Variants in NANOS3 observed in about 807,000 individuals in gnomAD.
The protein encoded by NANOS3 is nanos homolog 3.
A neutral mutation model predicts 13.8 loss-of-function variants in NANOS3; 11 were observed. The ratio of observed to expected loss-of-function variants is 0.80; its 90% CI spans 0.50 to 1.32. NANOS3 has a LOEUF of 1.32. NANOS3 is among the 40% of genes most tolerant of loss of function. NANOS3 has a pLI of 0.00. For synonymous variants in NANOS3, 119 were observed against 115.4 expected (o/e 1.03, Z -0.20); for missense variants, 221 against 263.8 (o/e 0.84, Z 1.12).
At chr19:13,876,964 C>T (rs1299846545), upstream of NANOS3, among the ~76,000 whole-genome samples, 2 of 152,170 alleles carry the variant, frequency 1.3e-5, no homozygotes, top group Non-Finnish European at 2.9e-5. Flanking sequence ...CCCCCCCACA[C>T]ACCCTGTGTC....
chr19:13,877,966 T>A (rs1968553660), intron 1 of NANOS3, among the ~76,000 whole-genome samples: 1 of 152,192 alleles, frequency 6.6e-6, no homozygotes, highest in Non-Finnish European at 1.5e-5. Flanking sequence ...TGGAGTGCAG[T>A]GGCGCCATCT....
chr19:13,879,265 C>T (rs954408998), intron 1 of NANOS3, among the ~76,000 whole-genome samples: 2 of 152,026 alleles, frequency 1.3e-5, no homozygotes, highest in African/African-American at 2.4e-5. Context: ...AAGAGAAACT[C>T]GTTCTAGCAA....
At chr19:13,864,702 G>C (rs1037456125), upstream of NANOS3, among the ~76,000 whole-genome samples, 1 of 152,080 alleles carries the variant, frequency 6.6e-6, no homozygotes, top group African/African-American at 2.4e-5. Context: ...TGTCTTGTGT[G>C]AGCTGTGCGT....
upstream of NANOS3, among the ~76,000 whole-genome samples, chr19:13,874,426 C>G (rs745620744): frequency 6.6e-6 from 1 of 152,222 alleles, no homozygotes; most frequent in Non-Finnish European, 1.5e-5. Flanking sequence ...GGGGGGTAAT[C>G]TGCACCTCCA....
chr19:13,871,892 G>A (rs1162779431), intron 1 of NANOS3, among the ~76,000 whole-genome samples: 1 of 152,056 alleles, frequency 6.6e-6, no homozygotes, highest in Non-Finnish European at 1.5e-5. Context: ...CCAGCTACTT[G>A]GGAAGCTAAG....
chr19:13,873,694 C>A (rs1378762509), upstream of NANOS3, among the ~76,000 whole-genome samples: 1 of 152,116 alleles, frequency 6.6e-6, no homozygotes, highest in Non-Finnish European at 1.5e-5. Context: ...TGGTCTCCAT[C>A]TCCTGGGCTC....
At chr19:13,863,597 G>GCC (rs567380587), upstream of NANOS3, among the ~76,000 whole-genome samples, 2 of 150,810 alleles carry the variant, frequency 1.3e-5, no homozygotes, top group Non-Finnish European at 3.0e-5. Context: ...GAGCTGACTG[G>GCC]CCCCCCCCAA....
In NANOS3 at chr19:13,877,744, C is replaced by CGAGGAG. The variant is rs148122339; in HGVS notation, c.509_514dup (p.Gly170_Gly171dup). 1.4e-3 allele frequency: 2,222 copies of CGAGGAG among 1,577,352 alleles called. 30 individuals carry two copies. In the African/African-American group the frequency reaches 0.027, roughly 19 times the overall value. On this transcript the variant is annotated inframe_insertion, in exon 1 of 2. Transcript: ENST00000339133. Reference sequence around the variant, plus strand: ...GAAGACACAGGACACAGGCCACCGCCGAGGAGGAGGAGGAGGAGCAGGTGC... The same window carrying CGAGGAG: ...GAAGACACAGGACACAGGCCACCGCCGAGGAGGAGGAGGAGGAGGAGGAGCAGGTGC...
chr19:13,870,240 C>T (rs940951210), intron 1 of NANOS3, among the ~76,000 whole-genome samples: 22 of 151,662 alleles, frequency 1.5e-4, no homozygotes, highest in African/African-American at 2.4e-4. Context: ...CCACCACACC[C>T]GGCTAAGTTT....
At chr19:13,867,455 G>A (rs1976259402) in intron 1 of NANOS3, among the ~76,000 whole-genome samples, 2 of 151,114 alleles carry the variant, frequency 1.3e-5, no homozygotes, top group Admixed American at 1.3e-4. Flanking sequence ...TGTAGAGATG[G>A]AGTTTTGCCG....
At chr19:13,870,992 G>A (rs1976319395) in intron 1 of NANOS3, among the ~76,000 whole-genome samples, 1 of 151,838 alleles carries the variant, frequency 6.6e-6, no homozygotes, top group African/African-American at 2.4e-5. Flanking sequence ...CAGGAACTAA[G>A]GATAAAGAAG....
intron 1 of NANOS3, among the ~76,000 whole-genome samples, chr19:13,866,378 A>C: frequency 1.4e-5 from 2 of 145,046 alleles, no homozygotes; most frequent in South Asian, 2.2e-4. Flanking sequence ...CCCATTCCAC[A>C]CCCCTGGACT....
At chr19:13,863,240 C>T (rs1387626584), upstream of NANOS3, among the ~76,000 whole-genome samples, 1 of 152,026 alleles carries the variant, frequency 6.6e-6, no homozygotes, top group Admixed American at 6.6e-5. Context: ...GATGAAGTCT[C>T]TGTCTGTTGC....
upstream of NANOS3, chr19:13,874,897 C>A (rs367686185): frequency 1.1e-5 from 6 of 525,790 alleles, no homozygotes; most frequent in East Asian, 2.2e-4. Context: ...AGGCCACAGC[C>A]GAGGTCACAA....
chr19:13,864,922 C>A (rs904289184), upstream of NANOS3, among the ~76,000 whole-genome samples: 16 of 152,142 alleles, frequency 1.1e-4, 1 homozygote, highest in African/African-American at 3.9e-4. Context: ...CAGCCCCCTG[C>A]ACACCGTTCC....
At chr19:13,865,466 G>C (rs1976220653) in intron 1 of NANOS3, 1 of 143,432 alleles carries the variant, frequency 7.0e-6, no homozygotes, top group Admixed American at 6.9e-5. Context: ...CGGGCCGGGG[G>C]CACGGGCGGG....
intron 1 of NANOS3, among the ~76,000 whole-genome samples, chr19:13,869,645 C>T (rs996896254): frequency 6.6e-6 from 1 of 151,722 alleles, no homozygotes; most frequent in Non-Finnish European, 1.5e-5. Flanking sequence ...CGTGACCCCA[C>T]GGAGACCCCC....
At position 13,880,684 on chromosome 19, in the gene NANOS3, G is replaced by A. The variant is rs1968621133; in HGVS notation, c.*181G>A. 4 of 597,796 alleles carry A rather than the reference G, an allele frequency of 6.7e-6. No individual in the cohort carries two copies. In the South Asian group the frequency reaches 8.2e-5, roughly 12 times the overall value. 37.0% of individuals were successfully genotyped at this position (597,796 alleles called of 1,614,324 possible). On this transcript the variant is annotated 3_prime_UTR_variant, in exon 2 of 2. Transcript: ENST00000339133. ...CCTGTCCTTGGGGACCCCACCCTTTGTGCCATCTGCCGTTTCCCTAGTGCT... is the reference window on the plus strand; with the variant it reads ...CCTGTCCTTGGGGACCCCACCCTTTATGCCATCTGCCGTTTCCCTAGTGCT...
At chr19:13,863,916 C>T (rs150466518), upstream of NANOS3, among the ~76,000 whole-genome samples, 2 of 151,906 alleles carry the variant, frequency 1.3e-5, no homozygotes, top group South Asian at 2.1e-4. Flanking sequence ...GTGAGGGGTG[C>T]GCGATCAGGT....
Sources: allele counts gnomAD v4.1 joint callset (sites outside exome capture counted in the v4.1 genomes callset), GRCh38; gene constraint gnomAD v4.1.1; transcripts MANE v1.5; gene names NCBI Gene and HGNC (gene_info 2026-07-23, HGNC 2026-07-21).